The following DAB2IP variants were observed in gnomAD, a reference collection of about 807,000 sequenced individuals.
The protein encoded by DAB2IP is disabled homolog 2-interacting protein.
In DAB2IP, 28 loss-of-function variants were observed where a neutral mutation model predicts 107.2. The observed-to-expected ratio is 0.26, with a 90% CI of 0.19 to 0.36. The LOEUF is 0.36. Ranked by LOEUF, DAB2IP falls within the 10% of genes least tolerant of loss-of-function variation. The probability of loss-of-function intolerance (pLI) is 1.00; values close to 1 mark genes in which losing one functional copy is unlikely to be tolerated. For missense variants in DAB2IP, 1,400 were observed against 1,644.7 expected, an observed-to-expected ratio of 0.85 and a Z score of 2.57; for synonymous variants, 755 against 706.4, an observed-to-expected ratio of 1.07 and a Z score of -1.09.
At chr9:121,722,530 A>G (rs751693501) in intron 3 of DAB2IP, among the ~76,000 whole-genome samples, 6 of 152,212 alleles carry the variant, frequency 3.9e-5, no homozygotes, top group Admixed American at 6.5e-5. Flanking sequence ...AGATTTGCCC[A>G]GGAAACTTTC....
At chr9:121,667,106 G>A (rs1833476322) in intron 1 of DAB2IP, among the ~76,000 whole-genome samples, 1 of 152,154 alleles carries the variant, frequency 6.6e-6, no homozygotes, top group Non-Finnish European at 1.5e-5. Flanking sequence ...TGCCTCCCGG[G>A]TTCAAGCAAT....
chr9:121,642,029 C>CTTTCTTTCTTTCTT (rs879760304), intron 1 of DAB2IP, among the ~76,000 whole-genome samples: 59 of 26,626 alleles, frequency 2.2e-3, no homozygotes, highest in East Asian at 5.9e-3. Context: ...CTCTCTCTCT[C>CTTTCTTTCTTTCTT]TCTTTCTTTC....
At chr9:121,646,223 G>A (rs1832531300) in intron 1 of DAB2IP, among the ~76,000 whole-genome samples, 1 of 152,174 alleles carries the variant, frequency 6.6e-6, no homozygotes, top group Admixed American at 6.5e-5. Flanking sequence ...ATATATCGGT[G>A]GCTTTTGGGA....
chr9:121,592,623 T>C (rs1262004688), intron 1 of DAB2IP, among the ~76,000 whole-genome samples: 1 of 152,220 alleles, frequency 6.6e-6, no homozygotes, highest in Admixed American at 6.5e-5. Context: ...TGTTAGCTTG[T>C]ACAACATGTA....
At chr9:121,718,411 T>G (rs1830730544) in intron 3 of DAB2IP, among the ~76,000 whole-genome samples, 1 of 152,160 alleles carries the variant, frequency 6.6e-6, no homozygotes, top group South Asian at 2.1e-4. Flanking sequence ...GGGATGGGCT[T>G]GGTGCCATTC....
chr9:121,600,274 T>G (rs1380701548), intron 1 of DAB2IP, among the ~76,000 whole-genome samples: 1 of 152,126 alleles, frequency 6.6e-6, no homozygotes, highest in African/African-American at 2.4e-5. Flanking sequence ...GTGTTTTTGT[T>G]CAATCCTGGC....
At position 121,635,045 on chromosome 9, in the gene DAB2IP, T is replaced by C. The variant is rs1832037146; in HGVS notation, c.41-43633T>C. On this transcript the variant is annotated intron_variant, in intron 1 of 16. Coordinates refer to the DAB2IP transcript ENST00000259371. The surrounding 1 kb of genome is among the most constrained non-coding windows in gnomAD (Gnocchi z 4.3). ...GTGTGTGTGTGCGCGTGCGTGTGTA[T>C]GTGTGTGTGCATGTGCGTGTATGTC... is the stretch of plus-strand genomic sequence containing the variant. 6.6e-6 allele frequency among the ~76,000 whole-genome samples: 1 copy of C among 152,066 alleles called. No homozygotes were observed. Among genetic ancestry groups the C allele is most frequent in the African/African-American group, 2.4e-5 (1 of 41,398 alleles).
intron 1 of DAB2IP, among the ~76,000 whole-genome samples, chr9:121,589,575 G>A (rs1830381667): frequency 6.6e-6 from 1 of 152,128 alleles, no homozygotes; most frequent in Non-Finnish European, 1.5e-5. Context: ...GCAGTGCTCA[G>A]CAGCATATGG....
rs559228061 is a variant in DAB2IP at position 121,778,396 on chromosome 9, C to T, written c.3314+2005C>T. Among the ~76,000 whole-genome samples the T allele has an allele frequency of 5.9e-5, 9 of 152,282 alleles. No individual in the cohort carries two copies. The East Asian group carries it at 9.6e-4, about 16-fold the overall frequency. Reference sequence around the variant, plus strand: ...ATATATATGAAGTGGGTTTATTTTACGGGCACCATACTATTGGGTCTTGCT... The same window carrying T: ...ATATATATGAAGTGGGTTTATTTTATGGGCACCATACTATTGGGTCTTGCT... On this transcript the variant is annotated intron_variant, in intron 14 of 15. Transcript: ENST00000408936.
intron 1 of DAB2IP, among the ~76,000 whole-genome samples, chr9:121,588,768 C>G (rs1021714238): frequency 1.3e-5 from 2 of 152,008 alleles, no homozygotes; most frequent in East Asian, 3.9e-4. Context: ...CTGTGCCAAA[C>G]TTTTATGACC....
intron 1 of DAB2IP, among the ~76,000 whole-genome samples, chr9:121,567,659 C>G (rs1829839570): frequency 1.3e-5 from 2 of 152,144 alleles, no homozygotes; most frequent in African/African-American, 4.8e-5. Context: ...AATTAAAGGC[C>G]AGGGCTCATG....
At chr9:121,638,250 A>G (rs1287379011) in intron 1 of DAB2IP, among the ~76,000 whole-genome samples, 1 of 152,232 alleles carries the variant, frequency 6.6e-6, no homozygotes, top group Non-Finnish European at 1.5e-5. Flanking sequence ...TAAACAATAC[A>G]ACTATCTCCA....
intron 3 of DAB2IP, among the ~76,000 whole-genome samples, chr9:121,750,658 AT>A (rs1241711756): frequency 1.3e-5 from 2 of 152,068 alleles, no homozygotes; most frequent in Non-Finnish European, 2.9e-5. Context: ...CCCACTCTCA[AT>A]TCCCCCCACC....
rs761629896 is a variant in DAB2IP, at chr9:121,782,469, G to A, written c.3541G>A (p.Gly1181Ser). The A allele has an allele frequency of 1.2e-5, 19 of 1,613,908 alleles. No individual in the cohort carries two copies. Among genetic ancestry groups the A allele is most frequent in the Non-Finnish European group, 1.4e-5 (17 of 1,179,944 alleles). Residue 1181 changes from glycine (G) to serine (S), a missense_variant, in exon 16 of 16, where the codon GGC (glycine) becomes AGC (serine). By Grantham distance (56) the Gly-to-Ser change is moderately conservative. Coordinates refer to ENST00000408936, the Ensembl canonical transcript of DAB2IP. This position sits in a 1 kb window ranked among gnomAD's most constrained non-coding sequence, Gnocchi z 6.1. Reference sequence around the variant, plus strand: ...CACCAAATTGCAGATTACTGAGAACGGCGAGTTCAGAAACAGCAGCAATTG... The same window carrying A: ...CACCAAATTGCAGATTACTGAGAACAGCGAGTTCAGAAACAGCAGCAATTG...
At chr9:121,639,814 G>C (rs1304257589) in intron 1 of DAB2IP, among the ~76,000 whole-genome samples, 1 of 152,152 alleles carries the variant, frequency 6.6e-6, no homozygotes, top group East Asian at 1.9e-4. Flanking sequence ...ACAGGTGGGC[G>C]AGTGAGGCTC....
intron 1 of DAB2IP, among the ~76,000 whole-genome samples, chr9:121,604,890 C>G (rs1051143420): frequency 2.0e-5 from 3 of 152,234 alleles, no homozygotes; most frequent in African/African-American, 7.2e-5. Flanking sequence ...GCCTGCACCC[C>G]CCTCCTCAAC....
At chr9:121,574,979 G>C (rs1830023739) in intron 1 of DAB2IP, 2 of 152,416 alleles carry the variant, frequency 1.3e-5, no homozygotes, top group Non-Finnish European at 2.9e-5. Flanking sequence ...AGCCTGAGCA[G>C]CTGGCCTCAT....
chr9:121,674,680 T>C (rs1833818002), intron 1 of DAB2IP, among the ~76,000 whole-genome samples: 1 of 152,068 alleles, frequency 6.6e-6, no homozygotes, highest in Non-Finnish European at 1.5e-5. Flanking sequence ...GAATGGGAGA[T>C]TGGACCAAGC....
chr9:121,756,937 G>C, intron 3 of DAB2IP, 76 bp from the exon 4 acceptor site: 1 of 1,603,128 alleles, frequency 6.2e-7, no homozygotes, highest in Non-Finnish European at 8.5e-7. Context: ...GCACGGCCAG[G>C]GCAGATGGGT....
Sources: gnomAD v4.1 joint callset for allele counts (sites outside exome capture counted in the v4.1 genomes callset) on GRCh38, gnomAD v4.1.1 for gene constraint, Gnocchi (gnomAD v3.1) non-coding constraint, MANE v1.5 for transcripts, NCBI Gene and HGNC (gene_info 2026-07-23, HGNC 2026-07-21) for gene names.